The following NUP98 variants were observed in gnomAD, a reference collection of about 807,000 sequenced individuals.
NUP98 encodes nucleoporin 98 and 96 precursor.
Under a neutral mutation model 191.9 loss-of-function variants are expected in NUP98, and 26 were observed. That is an observed-to-expected ratio of 0.14 (90% CI 0.10 to 0.19). The LOEUF is 0.19. NUP98 is among the 10% of genes least tolerant of loss of function. The probability of loss-of-function intolerance (pLI) is 1.00; values close to 1 mark genes in which losing one functional copy is unlikely to be tolerated. For synonymous variants in NUP98, 808 were observed against 778.4 expected (o/e 1.04, Z -0.63); for missense variants, 1,941 against 2,178.8 (o/e 0.89, Z 2.17).
At chr11:3,749,471 TAC>T (rs762984430) in intron 11 of NUP98, among the ~76,000 whole-genome samples, 1 of 151,560 alleles carries the variant, frequency 6.6e-6, no homozygotes, top group African/African-American at 2.4e-5. Flanking sequence ...ACTAAAAAAA[TAC>T]AGTTAGCCGG....
At chr11:3,743,021 TTTTC>T (rs1323556281) in intron 12 of NUP98, among the ~76,000 whole-genome samples, 3 of 152,002 alleles carry the variant, frequency 2.0e-5, no homozygotes, top group Non-Finnish European at 4.4e-5. Context: ...TCTTTTACTT[TTTTC>T]TTTTTTTTGT....
At chr11:3,716,431 C>A (rs1277977736) in intron 18 of NUP98, among the ~76,000 whole-genome samples, 1 of 151,918 alleles carries the variant, frequency 6.6e-6, no homozygotes, top group African/African-American at 2.4e-5. Context: ...TAAGACTGGG[C>A]GTGGTGGTTT....
Position 3,686,069 on chromosome 11 carries a change from C to A in NUP98, c.4580G>T (p.Cys1527Phe), listed in dbSNP as rs2078123423. 3.1e-6 allele frequency: 5 copies of A among 1,614,230 alleles called. No individual in the cohort carries two copies. Among genetic ancestry groups the A allele is most frequent in the Non-Finnish European group, 4.2e-6 (5 of 1,180,050 alleles). The change falls in exon 29 of 33, where the codon TGT (cysteine) becomes TTT (phenylalanine). Residue 1527 changes from cysteine (C) to phenylalanine (F), a missense_variant. By Grantham distance (205) the Cys-to-Phe change is radical. Coordinates refer to ENST00000324932, the MANE Select transcript of NUP98 (RefSeq NM_016320.5). ...ALNYTHLSAQ[C>F]EGVLQASYAG... ...GTAACTGGCCTGTAGCACACCTTCA[C>A]ACTGCGCTGAGAGATGGGTGTAGTT...
chr11:3,747,767 T>C (rs767769481), intron 11 of NUP98, among the ~76,000 whole-genome samples: 7 of 152,278 alleles, frequency 4.6e-5, no homozygotes, highest in East Asian at 1.9e-4. Context: ...CACTTAGCTA[T>C]TGCCTCCCAA....
At chr11:3,706,815 T>C (rs1037973558) in intron 20 of NUP98, among the ~76,000 whole-genome samples, 188 bp from the exon 21 acceptor site, 10 of 152,196 alleles carry the variant, frequency 6.6e-5, no homozygotes, top group African/African-American at 2.2e-4. Context: ...AACCAGTACT[T>C]TGATCCAAAT....
chr11:3,784,878 T>C (rs1381149188), intron 1 of NUP98, among the ~76,000 whole-genome samples: 6 of 152,200 alleles, frequency 3.9e-5, no homozygotes, highest in African/African-American at 1.4e-4. Flanking sequence ...GGCTCACACC[T>C]GTAATTCCAA....
At chr11:3,728,841 G>C (rs939181815) in intron 14 of NUP98, among the ~76,000 whole-genome samples, 1 of 152,200 alleles carries the variant, frequency 6.6e-6, no homozygotes, top group Non-Finnish European at 1.5e-5. Flanking sequence ...TAATAGCAAT[G>C]AATGTGGTGA....
At chr11:3,773,546 C>G in intron 6 of NUP98, 86 bp downstream of exon 6, 1 of 824,034 alleles carries the variant, frequency 1.2e-6, no homozygotes, top group Non-Finnish European at 1.9e-6. Flanking sequence ...CCACTCTATC[C>G]TAAAGAAAAT....
intron 1 of NUP98, among the ~76,000 whole-genome samples, chr11:3,783,105 C>T (rs1053965098): frequency 2.6e-5 from 4 of 152,106 alleles, no homozygotes; most frequent in African/African-American, 9.7e-5. Context: ...AATCCCTCAC[C>T]TCTGGCCAGG....
chr11:3,778,387 GT>G (rs1345290867), intron 4 of NUP98, among the ~76,000 whole-genome samples: 4 of 152,098 alleles, frequency 2.6e-5, no homozygotes, highest in African/African-American at 9.7e-5. Context: ...AGTGAAAAAA[GT>G]CATCAACTAA....
chr11:3,793,291 A>C (rs2133995327), intron 1 of NUP98, among the ~76,000 whole-genome samples: 1 of 152,166 alleles, frequency 6.6e-6, no homozygotes, highest in South Asian at 2.1e-4. Flanking sequence ...TGGTACATTT[A>C]GAGGTCTTCT....
intron 14 of NUP98, among the ~76,000 whole-genome samples, chr11:3,729,506 A>C (rs2079751819): frequency 7.0e-6 from 1 of 142,826 alleles, no homozygotes; most frequent in South Asian, 2.3e-4. Context: ...CAGGAGTTCG[A>C]GACCACCGTG....
At chr11:3,757,218 G>A (rs1243055551) in intron 10 of NUP98, among the ~76,000 whole-genome samples, 1 of 151,916 alleles carries the variant, frequency 6.6e-6, no homozygotes, top group African/African-American at 2.4e-5. Flanking sequence ...GCTGGGCGCA[G>A]TGGCTCATGC....
intron 1 of NUP98, among the ~76,000 whole-genome samples, chr11:3,790,367 C>G (rs1448818231): frequency 6.6e-6 from 1 of 152,184 alleles, no homozygotes; most frequent in East Asian, 1.9e-4. Flanking sequence ...CCCACCAGCT[C>G]TGCCCTATGA....
chr11:3,733,509 A>T (rs1564858237), intron 13 of NUP98, among the ~76,000 whole-genome samples: 1 of 151,984 alleles, frequency 6.6e-6, no homozygotes, highest in Non-Finnish European at 1.5e-5. Flanking sequence ...ATGGGGTTTC[A>T]CCATGTTGGT....
intron 9 of NUP98, among the ~76,000 whole-genome samples, 192 bp from the exon 10 acceptor site, chr11:3,760,818 C>A (rs1346412828): frequency 1.3e-5 from 2 of 152,064 alleles, no homozygotes; most frequent in Non-Finnish European, 2.9e-5. Flanking sequence ...TTTATAAACA[C>A]GGAATGCTTC....
At position 3,780,235 on chromosome 11, in the gene NUP98, T is replaced by A. The variant is rs372410527; in HGVS notation, c.77-978A>T. Among the ~76,000 whole-genome samples the A allele has an allele frequency of 4.5e-3, 688 of 151,680 alleles. 4 individuals carry two copies. Among genetic ancestry groups the A allele is most frequent in the African/African-American group, 0.016 (642 of 41,380 alleles). On this transcript the variant is annotated intron_variant, in intron 2 of 32. Transcript: ENST00000324932. ...GAGATCAGGAGCCACTTAAGAAAAC[T>A]TCCCTGCCAGGTGCGGGGAAGTTAC...
chr11:3,753,738 C>G (rs2080851489), intron 10 of NUP98, among the ~76,000 whole-genome samples: 1 of 106,718 alleles, frequency 9.4e-6, no homozygotes, highest in African/African-American at 3.9e-5. Context: ...TGGTGAAACC[C>G]CGTCTCTATA....
chr11:3,680,001 A>C (rs1200190320), intron 30 of NUP98, among the ~76,000 whole-genome samples: 1 of 152,224 alleles, frequency 6.6e-6, no homozygotes, highest in East Asian at 1.9e-4. Flanking sequence ...TGTCTAAAAA[A>C]CCAATATACA....
Sources: gnomAD v4.1 joint callset for allele counts (sites outside exome capture counted in the v4.1 genomes callset) on GRCh38, gnomAD v4.1.1 for gene constraint, MANE v1.5 for transcripts, NCBI Gene and HGNC (gene_info 2026-07-23, HGNC 2026-07-21) for gene names.